The following CYREN variants were observed in gnomAD, a reference collection of about 807,000 sequenced individuals.
CYREN encodes the protein cell cycle regulator of NHEJ.
Under a neutral mutation model 9.7 loss-of-function variants are expected in CYREN, and 7 were observed. The ratio of observed to expected loss-of-function variants is 0.72; its 90% CI spans 0.41 to 1.36. CYREN has a LOEUF of 1.36. Ranked by LOEUF, CYREN falls within the 40% of genes most tolerant of loss-of-function variation. The pLI, the probability that CYREN is intolerant of heterozygous loss-of-function variation, is 0.01. For missense variants in CYREN, 215 were observed against 198.1 expected, an observed-to-expected ratio of 1.09 and a Z score of -0.51; for synonymous variants, 76 against 77.9, an observed-to-expected ratio of 0.98 and a Z score of 0.13.
At chr7:135,161,796 A>G (rs112857804), downstream of CYREN, among the ~76,000 whole-genome samples, 248 of 152,274 alleles carry the variant, frequency 1.6e-3, 4 homozygotes, top group African/African-American at 5.4e-3. This position sits in a 1 kb window ranked among gnomAD's most constrained non-coding sequence, Gnocchi z 4.1. Context: ...AGTGCCACCC[A>G]AGGCAGCAGC....
intron 2 of CYREN, among the ~76,000 whole-genome samples, chr7:135,146,958 G>A (rs1375177071): frequency 6.6e-6 from 1 of 152,134 alleles, no homozygotes; most frequent in African/African-American, 2.4e-5. Context: ...TCACTCACCA[G>A]TATTGAGTTT....
At chr7:135,144,644 A>C (rs1042490180) in intron 2 of CYREN, among the ~76,000 whole-genome samples, 6 of 152,000 alleles carry the variant, frequency 3.9e-5, no homozygotes, top group Admixed American at 3.3e-4. Flanking sequence ...GGCCAGGCAC[A>C]GTGGCTCATG....
At chr7:135,142,166 G>T (rs942818562) in intron 2 of CYREN, among the ~76,000 whole-genome samples, 27 of 152,010 alleles carry the variant, frequency 1.8e-4, no homozygotes, top group Admixed American at 9.2e-4. Flanking sequence ...AGAAAAAGTT[G>T]AATTGCTTGA....
At position 135,168,580 on chromosome 7, in the gene CYREN, G is replaced by A. The variant is rs958781724; in HGVS notation, c.137+206C>T. ...GGGCAGGGCACTCACCAGTGCAGAG[G>A]CAGAAGTGGGTGCCTGTCCTCGAGG... is the stretch of plus-strand genomic sequence containing the variant. On this transcript the variant is annotated intron_variant, in intron 2 of 3. Coordinates refer to ENST00000393114, the MANE Select transcript of CYREN (RefSeq NM_024033.4). 8.3e-5 allele frequency: 55 copies of A among 663,556 alleles called. No homozygotes were observed. In the East Asian group the frequency reaches 1.6e-3, roughly 19 times the overall value. The allele number at this position is 663,556 out of a possible 1,614,324, so 41.1% of individuals were successfully genotyped here.
At chr7:135,115,639 A>T in intron 2 of CYREN, 3 of 1,473,914 alleles carry the variant, frequency 2.0e-6, no homozygotes, top group Non-Finnish European at 2.8e-6. Flanking sequence ...TATCACTCTT[A>T]TCTATTTAAC....
chr7:135,164,420 C>T, downstream of CYREN: 1 of 1,583,836 alleles, frequency 6.3e-7, no homozygotes, highest in Non-Finnish European at 8.6e-7. Flanking sequence ...CCCCGCAGGT[C>T]CCCCGGCAGA....
chr7:135,130,728 C>T (rs1470282775), intron 2 of CYREN, among the ~76,000 whole-genome samples: 2 of 151,982 alleles, frequency 1.3e-5, no homozygotes, highest in African/African-American at 4.8e-5. Flanking sequence ...CACTGTAGTT[C>T]CAGTCCTAAT....
intron 2 of CYREN, chr7:135,115,839 T>A: frequency 2.2e-6 from 1 of 449,500 alleles, no homozygotes; most frequent in Non-Finnish European, 4.0e-6. Flanking sequence ...AAACTACTCA[T>A]TAATTTAGAT....
intron 2 of CYREN, among the ~76,000 whole-genome samples, chr7:135,155,471 C>T (rs141751710): frequency 6.6e-6 from 1 of 152,084 alleles, no homozygotes; most frequent in African/African-American, 2.4e-5. Context: ...CTTTCTCTTC[C>T]TTTGTATGAT....
chr7:135,152,246 C>T (rs1054114399), intron 2 of CYREN, among the ~76,000 whole-genome samples: 6 of 152,244 alleles, frequency 3.9e-5, no homozygotes, highest in Admixed American at 1.3e-4. Flanking sequence ...GAAGCCATAG[C>T]TTCAAGGTCC....
intron 2 of CYREN, chr7:135,134,732 T>A (rs12669029): frequency 1.9e-5 from 20 of 1,027,808 alleles, no homozygotes; most frequent in Non-Finnish European, 2.6e-5. Flanking sequence ...CTTTAAGAAG[T>A]TATGAACTTA....
At chr7:135,160,740 A>AC (rs1451410884) in intron 2 of CYREN, among the ~76,000 whole-genome samples, 1 of 151,804 alleles carries the variant, frequency 6.6e-6, no homozygotes, top group Non-Finnish European at 1.5e-5. Flanking sequence ...TCATTTAAAA[A>AC]AAAAAAACAA....
intron 2 of CYREN, chr7:135,128,644 T>C (rs1272484983): frequency 2.2e-6 from 2 of 907,670 alleles, no homozygotes; most frequent in Non-Finnish European, 3.6e-6. Context: ...TTTGCCTGGA[T>C]GCAATTTCTT....
At chr7:135,101,111 G>A (rs921848048) in intron 2 of CYREN, 4 of 452,142 alleles carry the variant, frequency 8.8e-6, no homozygotes, top group Admixed American at 2.4e-5. Context: ...TCATAGCAAA[G>A]ACCAACACAA....
Position 135,166,672 on chromosome 7 carries a change from C to A in CYREN, c.413G>T (p.Ser138Ile), listed in dbSNP as rs1457293507. The A allele has an allele frequency of 5.0e-6, 8 of 1,610,468 alleles. No homozygotes were observed. Among genetic ancestry groups the A allele is most frequent in the Middle Eastern group, 1.6e-4 (1 of 6,082 alleles). Residue 138 changes from serine to isoleucine, a missense_variant, in exon 4 of 4, where the codon AGC becomes ATC. Coordinates refer to ENST00000393114, the MANE Select transcript of CYREN (RefSeq NM_024033.4). ...ATCCTCTTCCTCCTCCTCCTCAGGG[C>A]TCCTGCTACAGGCAGAGCTGGAACC... ...PGGSSSACSR[S>I]PEEEEEEDVL...
downstream of CYREN, chr7:135,164,724 C>G: frequency 6.2e-7 from 1 of 1,614,248 alleles, no homozygotes; most frequent in Non-Finnish European, 8.5e-7. Flanking sequence ...GGTCCTCACC[C>G]TCTTTGCCCC....
At chr7:135,160,448 T>C (rs527878316) in intron 2 of CYREN, among the ~76,000 whole-genome samples, 46 of 152,274 alleles carry the variant, frequency 3.0e-4, no homozygotes, top group African/African-American at 1.1e-3. Flanking sequence ...CATGGGGAAG[T>C]AGAGAAGAGT....
chr7:135,167,187 A>C (rs1213670957), intron 3 of CYREN: 1 of 985,332 alleles, frequency 1.0e-6, no homozygotes, highest in Non-Finnish European at 1.2e-6. Context: ...AGGATACAAA[A>C]CCTGGGTGTG....
intron 2 of CYREN, among the ~76,000 whole-genome samples, chr7:135,098,980 A>G (rs78006222): frequency 0.051 from 7,747 of 152,288 alleles, 262 homozygotes; most frequent in Non-Finnish European, 0.08. Context: ...CACACATACT[A>G]TTAATCTGTT....
Sources: gnomAD v4.1 joint callset for allele counts (sites outside exome capture counted in the v4.1 genomes callset) on GRCh38, gnomAD v4.1.1 for gene constraint, Gnocchi (gnomAD v3.1) non-coding constraint, MANE v1.5 for transcripts, NCBI Gene and HGNC (gene_info 2026-07-23, HGNC 2026-07-21) for gene names.